GIPC2: variants seen among roughly 807,000 people sequenced by gnomAD.
The protein encoded by GIPC2 is PDZ domain-containing protein GIPC2.
Under a neutral mutation model 30.6 loss-of-function variants are expected in GIPC2, and 30 were observed. The ratio of observed to expected loss-of-function variants is 0.98; its 90% confidence interval spans 0.73 to 1.33. The LOEUF (loss-of-function observed/expected upper bound fraction) is 1.33. Ranked by LOEUF, GIPC2 falls within the 40% of genes most tolerant of loss-of-function variation. GIPC2 has a pLI of 0.00. For missense variants in GIPC2, 414 were observed against 390.3 expected, an observed-to-expected ratio of 1.06 and a Z score of -0.51; for synonymous variants, 167 against 150.0, an observed-to-expected ratio of 1.11 and a Z score of -0.83.
intron 3 of GIPC2, among the ~76,000 whole-genome samples, chr1:78,112,112 C>A (rs549006892): frequency 1.3e-5 from 2 of 152,290 alleles, no homozygotes; most frequent in East Asian, 3.9e-4. Flanking sequence ...TTTGAGAAGT[C>A]AGGAAAATTT....
rs76716597 is a variant in GIPC2, at chr1:78,110,698, A to G, written c.608-8695A>G. Among the ~76,000 whole-genome samples the G allele has an allele frequency of 7.6e-3, 1,157 of 152,270 alleles. 16 individuals are homozygous for G. The highest frequency in any genetic ancestry group is 0.027 in the African/African-American group (1,109 of 41,544). On this transcript the variant is annotated intron_variant, in intron 3 of 5. Coordinates refer to ENST00000370759, the MANE Select transcript of GIPC2 (RefSeq NM_017655.6). ...TTGGAATCTTTGAACTTGCTGAACT[A>G]TATAGCCTGGAACACTTTCCTCTCT...
intron 2 of GIPC2, among the ~76,000 whole-genome samples, chr1:78,086,504 T>C (rs1661929967): frequency 6.6e-6 from 1 of 152,192 alleles, no homozygotes; most frequent in Non-Finnish European, 1.5e-5. Context: ...CAATGATCTG[T>C]CTACTACTGT....
rs1012755027 is a variant in GIPC2, at chr1:78,094,844, C to T, written c.427-108C>T. ...CTGATATTCCCAGGCAGTCTCCCAT[C>T]CAAGTACTAACCAGGCCCAAACCTG... On this transcript the variant is annotated intron_variant, in intron 2 of 5. Transcript: ENST00000370759. 13 of 679,790 alleles carry T rather than the reference C, an allele frequency of 1.9e-5. No individual in the cohort carries two copies. In the African/African-American group the frequency reaches 2.3e-4, roughly 12 times the overall value. 42.1% of individuals were successfully genotyped at this position (679,790 alleles called of 1,614,324 possible). A position where few individuals can be genotyped will look rare whatever the true frequency, so the allele number is the denominator to read the frequency against.
At chr1:78,106,324 C>T (rs1029743927) in intron 3 of GIPC2, among the ~76,000 whole-genome samples, 1 of 151,564 alleles carries the variant, frequency 6.6e-6, no homozygotes, top group African/African-American at 2.4e-5. Context: ...CTTTGGGAGG[C>T]CGAGATGGGC....
chr1:78,086,013 G>A (rs1156536794), intron 2 of GIPC2, among the ~76,000 whole-genome samples: 1 of 150,928 alleles, frequency 6.6e-6, no homozygotes, highest in Admixed American at 6.6e-5. Context: ...TGTGATGTTA[G>A]GTAGTTAAGG....
intron 5 of GIPC2, among the ~76,000 whole-genome samples, chr1:78,128,924 G>A (rs1249871781): frequency 6.6e-6 from 1 of 151,948 alleles, no homozygotes; most frequent in Non-Finnish European, 1.5e-5. Flanking sequence ...AGGATCGCTT[G>A]AGTCCAAGAG....
At chr1:78,125,992 T>C in intron 5 of GIPC2, 30 bp downstream of exon 5, 1 of 995,562 alleles carries the variant, frequency 1.0e-6, no homozygotes, top group Non-Finnish European at 1.6e-6. Flanking sequence ...AAAAGTCTTA[T>C]ATCTCTTAAT....
At chr1:78,076,112 C>T (rs918488320) in intron 1 of GIPC2, among the ~76,000 whole-genome samples, 1 of 152,186 alleles carries the variant, frequency 6.6e-6, no homozygotes, top group South Asian at 2.1e-4. Flanking sequence ...TAAGTTCATT[C>T]TTGGATTTTC....
At chr1:78,076,404 G>T (rs775979849) in intron 1 of GIPC2, among the ~76,000 whole-genome samples, 1 of 152,168 alleles carries the variant, frequency 6.6e-6, no homozygotes, top group South Asian at 2.1e-4. Flanking sequence ...ATGGCACCAG[G>T]GACTGGTTTC....
intron 3 of GIPC2, among the ~76,000 whole-genome samples, chr1:78,117,894 C>T (rs1047409578): frequency 6.6e-6 from 1 of 152,090 alleles, no homozygotes; most frequent in African/African-American, 2.4e-5. Context: ...TCCGGAGATG[C>T]ACACAAAACT....
intron 4 of GIPC2, among the ~76,000 whole-genome samples, chr1:78,121,392 T>A (rs923692120): frequency 2.0e-5 from 3 of 152,006 alleles, no homozygotes; most frequent in African/African-American, 7.3e-5. Flanking sequence ...TTCCTATGTG[T>A]TTGAAGGGAA....
chr1:78,121,136 C>T (rs1350122312), intron 4 of GIPC2, among the ~76,000 whole-genome samples: 2 of 152,076 alleles, frequency 1.3e-5, no homozygotes, highest in African/African-American at 4.8e-5. Flanking sequence ...GTGAAAAACA[C>T]CAGAAGGAGA....
chr1:78,061,693 A>G (rs1355336976), intron 1 of GIPC2, among the ~76,000 whole-genome samples: 1 of 85,388 alleles, frequency 1.2e-5, no homozygotes, highest in Non-Finnish European at 3.8e-5. Context: ...TCTTTACACT[A>G]ATTTTAAACA....
chr1:78,118,908 G>A (rs769137451), intron 3 of GIPC2, among the ~76,000 whole-genome samples: 1 of 152,144 alleles, frequency 6.6e-6, no homozygotes, highest in Non-Finnish European at 1.5e-5. Flanking sequence ...TTAATGTAAA[G>A]CATCACACAG....
intron 3 of GIPC2, among the ~76,000 whole-genome samples, chr1:78,116,661 C>T (rs1202587492): frequency 6.6e-6 from 1 of 152,168 alleles, no homozygotes; most frequent in Non-Finnish European, 1.5e-5. Context: ...CAGCTTCATC[C>T]ATGTCCCTAC....
At chr1:78,109,967 C>T (rs899836417) in intron 3 of GIPC2, among the ~76,000 whole-genome samples, 2 of 150,580 alleles carry the variant, frequency 1.3e-5, no homozygotes, top group African/African-American at 2.4e-5. Flanking sequence ...TGTTCTCACT[C>T]GTAGGTGGGA....
chr1:78,125,997 CTT>C (rs1199912500), intron 5 of GIPC2, 35 bp downstream of exon 5: 9 of 897,428 alleles, frequency 1.0e-5, no homozygotes, highest in Non-Finnish European at 1.5e-5. Context: ...TCTTATATCT[CTT>C]AATCTGCTTA....
chr1:78,084,987 G>A (rs1309813167), intron 2 of GIPC2, among the ~76,000 whole-genome samples: 1 of 152,136 alleles, frequency 6.6e-6, no homozygotes, highest in Non-Finnish European at 1.5e-5. Flanking sequence ...AAGTAGGAGT[G>A]GTGAGAGAGA....
intron 2 of GIPC2, chr1:78,091,509 A>G (rs1662037712): frequency 1.4e-6 from 1 of 726,628 alleles, no homozygotes; most frequent in Admixed American, 1.9e-5. Flanking sequence ...ATGGCTCCCA[A>G]AGGCAGCTCC....
Sources: allele counts gnomAD v4.1 joint callset (sites outside exome capture counted in the v4.1 genomes callset), GRCh38; gene constraint gnomAD v4.1.1; transcripts MANE v1.5; gene names NCBI Gene and HGNC (gene_info 2026-07-23, HGNC 2026-07-21).